Variants in HELZ observed in about 807,000 individuals in gnomAD.
HELZ encodes the protein ATP-dependent RNA helicase with zinc finger domain.
A neutral mutation model predicts 218.2 loss-of-function variants in HELZ; 23 were observed. That is an observed-to-expected ratio of 0.11 (90% confidence interval 0.08 to 0.15). The LOEUF is 0.15. Ranked by LOEUF, HELZ falls within the 10% of genes least tolerant of loss-of-function variation. HELZ has a pLI of 1.00. For missense variants in HELZ, 1,813 were observed against 2,353.7 expected (o/e 0.77, Z 4.75); for synonymous variants, 814 against 829.4 (o/e 0.98, Z 0.32).
intron 5 of HELZ, among the ~76,000 whole-genome samples, chr17:67,210,530 T>A (rs1024980373): frequency 1.3e-5 from 2 of 152,238 alleles, no homozygotes; most frequent in Admixed American, 6.5e-5. Context: ...TTTATGATGG[T>A]TAAGTTTAAC....
At chr17:67,230,838 A>G (rs956662639) in intron 3 of HELZ, among the ~76,000 whole-genome samples, 1 of 152,148 alleles carries the variant, frequency 6.6e-6, no homozygotes, top group Non-Finnish European at 1.5e-5. Flanking sequence ...GTATTTTCAA[A>G]TCAGACTTTA....
At chr17:67,144,748 C>T (rs1341134632) in intron 21 of HELZ, among the ~76,000 whole-genome samples, 2 of 152,084 alleles carry the variant, frequency 1.3e-5, no homozygotes, top group Admixed American at 1.3e-4. Context: ...TCCCTCCCAC[C>T]CATACCATGG....
rs537376585 is a variant in HELZ at position 67,231,485 on chromosome 17, C to T, written c.-19+7948G>A. 1.3e-4 allele frequency among the ~76,000 whole-genome samples: 20 copies of T among 150,212 alleles called. No individual in the cohort carries two copies. In the South Asian group the frequency reaches 3.4e-3, roughly 25 times the overall value. Reference sequence around the variant, plus strand: ...GCAGGCGCCTGTAGTCCTAGCTACTCGGGAGGTTGAGGAAGGAGAATGGCG... The same window carrying T: ...GCAGGCGCCTGTAGTCCTAGCTACTTGGGAGGTTGAGGAAGGAGAATGGCG... On this transcript the variant is annotated intron_variant, in intron 3 of 32. Transcript: ENST00000358691.
intron 24 of HELZ, among the ~76,000 whole-genome samples, chr17:67,125,339 T>C (rs1178769396): frequency 9.5e-5 from 6 of 63,268 alleles, no homozygotes; most frequent in African/African-American, 2.3e-4. Flanking sequence ...TATATATATA[T>C]ATATATACTT....
chr17:67,232,017 T>C (rs945586682), intron 3 of HELZ, among the ~76,000 whole-genome samples: 5 of 131,774 alleles, frequency 3.8e-5, no homozygotes, highest in Non-Finnish European at 7.7e-5. Flanking sequence ...CACACCATTG[T>C]ACTCTAGCCT....
chr17:67,159,313 G>A (rs982813782), intron 17 of HELZ, among the ~76,000 whole-genome samples: 11 of 151,328 alleles, frequency 7.3e-5, no homozygotes, highest in South Asian at 2.1e-4. Context: ...ATAAAAACCC[G>A]TGTTAATGGG....
intron 3 of HELZ, among the ~76,000 whole-genome samples, chr17:67,223,575 AC>A (rs2040809368): frequency 6.6e-6 from 1 of 152,040 alleles, no homozygotes. Flanking sequence ...ACAAAGTGAA[AC>A]CCCGTCTCTA....
intron 15 of HELZ, 135 bp downstream of exon 15, chr17:67,166,343 A>C (rs1039839179): frequency 1.6e-6 from 1 of 610,354 alleles, no homozygotes; most frequent in Non-Finnish European, 2.8e-6. Flanking sequence ...GTGTTCTTTT[A>C]CTCTCCTTTC....
At chr17:67,235,749 CTTT>C (rs1216322685) in intron 3 of HELZ, among the ~76,000 whole-genome samples, 11 of 78,670 alleles carry the variant, frequency 1.4e-4, no homozygotes, top group African/African-American at 6.0e-4. Context: ...ACCACACACT[CTTT>C]TTTTTTTTTT....
chr17:67,107,425 A>G lies in HELZ; in HGVS notation c.4985T>C (p.Phe1662Ser), dbSNP rs1034236627. The G allele has an allele frequency of 6.2e-7, 1 of 1,614,054 alleles. No homozygotes were observed. The highest frequency in any genetic ancestry group is 8.5e-7 in the Non-Finnish European group (1 of 1,180,034). Residue 1662 changes from phenylalanine to serine, a missense_variant, in exon 31 of 33, where the codon TTC (phenylalanine) becomes TCC (serine). By Grantham distance (155) the Phe-to-Ser change is radical. Coordinates refer to ENST00000358691, the MANE Select transcript of HELZ (RefSeq NM_014877.4). ...RLPPQIFNSP[F>S]SLPSEHLAPP... ...GGCAAGGTGTTCAGATGGCAACGAGAAAGGTGAGTTGAATATCTGGGGTGG... is the reference window on the plus strand; with the variant it reads ...GGCAAGGTGTTCAGATGGCAACGAGGAAGGTGAGTTGAATATCTGGGGTGG...
chr17:67,234,874 C>T (rs371271872), intron 3 of HELZ, among the ~76,000 whole-genome samples: 7 of 152,184 alleles, frequency 4.6e-5, no homozygotes, highest in East Asian at 3.9e-4. Context: ...CTTTGCTTCT[C>T]GGCTTCCTGG....
At chr17:67,218,890 C>T in intron 3 of HELZ, 68 bp from the exon 4 acceptor site, 2 of 1,118,480 alleles carry the variant, frequency 1.8e-6, no homozygotes, top group Non-Finnish European at 2.6e-6. Flanking sequence ...TAGCCCCATT[C>T]CTATCTCAGC....
chr17:67,235,830 G>A (rs11871494), intron 3 of HELZ, among the ~76,000 whole-genome samples: 14 of 132,798 alleles, frequency 1.1e-4, no homozygotes, highest in African/African-American at 2.1e-4. Flanking sequence ...TCTCTATCTC[G>A]GCTCACTGCA....
intron 17 of HELZ, among the ~76,000 whole-genome samples, chr17:67,157,293 A>G (rs940770732): frequency 2.6e-5 from 4 of 152,102 alleles, no homozygotes; most frequent in Non-Finnish European, 5.9e-5. Context: ...TTCTTCCTCA[A>G]AGAGGGGGGA....
rs749814300 is a variant in HELZ at position 67,128,547 on chromosome 17, C to T, written c.3387+104G>A. On this transcript the variant is annotated intron_variant, in intron 24 of 32. Transcript: ENST00000358691. ...GAAACCGCTTGCCGCCAAATGTAACCTTCAATTCCAACACTTAAAGTAACT... is the reference window on the plus strand; with the variant it reads ...GAAACCGCTTGCCGCCAAATGTAACTTTCAATTCCAACACTTAAAGTAACT... The T allele has an allele frequency of 3.9e-6, 4 of 1,028,986 alleles. No homozygotes were observed. In the Admixed American group the frequency reaches 7.7e-5, roughly 20 times the overall value. 63.7% of individuals were successfully genotyped at this position (1,028,986 alleles called of 1,614,324 possible).
chr17:67,084,509 A>G (rs544904320), intron 32 of HELZ, among the ~76,000 whole-genome samples: 1 of 152,152 alleles, frequency 6.6e-6, no homozygotes, highest in South Asian at 2.1e-4. Flanking sequence ...AAAAAACACA[A>G]AAAATTAGCC....
chr17:67,141,308 G>A (rs1187443820), intron 21 of HELZ, among the ~76,000 whole-genome samples: 1 of 152,110 alleles, frequency 6.6e-6, no homozygotes, highest in Admixed American at 6.6e-5. Flanking sequence ...ACGGCACAAA[G>A]GAGGTAGGTA....
Position 67,136,188 on chromosome 17 carries a change from G to T in HELZ, c.2964C>A (p.Phe988Leu), listed in dbSNP as rs952816455. 6.2e-7 allele frequency: 1 copy of T among 1,605,412 alleles called. No individual in the cohort carries two copies. Among genetic ancestry groups the T allele is most frequent in the African/African-American group, 1.3e-5 (1 of 74,462 alleles). Residue 988 changes from phenylalanine to leucine, a missense_variant, in exon 23 of 33, where the codon TTC (phenylalanine) becomes TTA (leucine). Transcript: ENST00000358691. ...ERVLNVQGKQ[F>L]RVLFLSTVRT... ...GTACTGTGCTAAGAAACAAAACTCT[G>T]AATTGCTTTCCTACAAAGAAAATTT... is the stretch of plus-strand genomic sequence containing the variant.
intron 21 of HELZ, among the ~76,000 whole-genome samples, chr17:67,141,403 CT>C (rs2038319447): frequency 9.0e-6 from 1 of 111,478 alleles, no homozygotes; most frequent in African/African-American, 2.8e-5. Context: ...ACTTGCCACC[CT>C]TCTCTTAGAA....
Sources: allele counts gnomAD v4.1 joint callset (sites outside exome capture counted in the v4.1 genomes callset), GRCh38; gene constraint gnomAD v4.1.1; transcripts MANE v1.5; gene names NCBI Gene and HGNC (gene_info 2026-07-23, HGNC 2026-07-21).